Variants in PTPN13 observed in about 807,000 individuals in gnomAD.
PTPN13 encodes protein tyrosine phosphatase non-receptor type 13, also known as tyrosine-protein phosphatase non-receptor type 13.
In PTPN13, 191 loss-of-function variants were observed where a neutral mutation model predicts 284.0. The observed-to-expected ratio is 0.67, with a 90% CI of 0.60 to 0.76. PTPN13 has a LOEUF of 0.76. Among genes scored for constraint, PTPN13 ranks in the 30% least tolerant of loss-of-function variants. PTPN13 has a pLI of 0.00. For missense variants in PTPN13, 2,797 were observed against 2,939.9 expected (o/e 0.95, Z 1.12); for synonymous variants, 986 against 1,022.3 (o/e 0.96, Z 0.68).
chr4:86,697,798 C>T (rs1306979561), intron 6 of PTPN13, among the ~76,000 whole-genome samples: 1 of 152,000 alleles, frequency 6.6e-6, no homozygotes, highest in East Asian at 1.9e-4. Flanking sequence ...ATTTTTGAGT[C>T]TGGGTGAATT....
chr4:86,813,214 G>T (rs2149400782), intron 47 of PTPN13, among the ~76,000 whole-genome samples: 1 of 152,204 alleles, frequency 6.6e-6, no homozygotes, highest in Admixed American at 6.5e-5. Context: ...ATATAAAATA[G>T]CTCACACATG....
At chr4:86,715,045 G>A (rs183011169) in intron 7 of PTPN13, among the ~76,000 whole-genome samples, 12 of 152,158 alleles carry the variant, frequency 7.9e-5, no homozygotes, top group Admixed American at 1.3e-4. Flanking sequence ...GGGGAAGAGC[G>A]GTGTTTCTAA....
chr4:86,680,871 T>C (rs1196491285), intron 3 of PTPN13, among the ~76,000 whole-genome samples: 1 of 152,178 alleles, frequency 6.6e-6, no homozygotes, highest in African/African-American at 2.4e-5. Flanking sequence ...GGTTTCCACA[T>C]CCTGTGTACC....
At chr4:86,802,512 A>T (rs999416344) in intron 42 of PTPN13, among the ~76,000 whole-genome samples, 1 of 152,248 alleles carries the variant, frequency 6.6e-6, no homozygotes, top group East Asian at 1.9e-4. Context: ...CTCCTTTAGA[A>T]ACTATAAATA....
At position 86,722,199 on chromosome 4, in the gene PTPN13, C is replaced by G. The variant is rs553354786; in HGVS notation, c.1386-13C>G. 8.8e-6 allele frequency: 14 copies of G among 1,595,192 alleles called. No individual in the cohort carries two copies. Among genetic ancestry groups the G allele is most frequent in the African/African-American group, 8.0e-5 (6 of 74,564 alleles). ...TCCTCCCAATCCTCACCTGTCTCCT[C>G]TTTTCTATATAGCAGACAATATGAA... is the stretch of plus-strand genomic sequence containing the variant. On this transcript the variant is annotated splice_polypyrimidine_tract_variant and intron_variant, in intron 9 of 47. Coordinates refer to ENST00000411767, the MANE Select transcript of PTPN13 (RefSeq NM_080683.3).
chr4:86,671,384 T>C (rs549023619), intron 2 of PTPN13, among the ~76,000 whole-genome samples: 303 of 152,314 alleles, frequency 2.0e-3, no homozygotes, highest in Non-Finnish European at 3.4e-3. Context: ...ATTTCAGTCA[T>C]AGGCCTTTTG....
intron 1 of PTPN13, among the ~76,000 whole-genome samples, chr4:86,634,267 T>TA (rs1398358936): frequency 1.3e-5 from 2 of 152,214 alleles, no homozygotes; most frequent in African/African-American, 4.8e-5. Context: ...CTATATATGT[T>TA]ATGCTTAAAT....
chr4:86,792,709 A>G (rs1279073247), intron 40 of PTPN13, among the ~76,000 whole-genome samples: 1 of 152,240 alleles, frequency 6.6e-6, no homozygotes, highest in Non-Finnish European at 1.5e-5. Flanking sequence ...AATATTCAAC[A>G]TTCTTAAAGG....
chr4:86,625,845 A>G (rs539385378), intron 1 of PTPN13, among the ~76,000 whole-genome samples: 2 of 152,238 alleles, frequency 1.3e-5, no homozygotes, highest in Non-Finnish European at 2.9e-5. Flanking sequence ...ATTTTTTACA[A>G]TGTAAAGGAC....
Position 86,776,192 on chromosome 4 carries a change from C to T in PTPN13, c.5891+540C>T, listed in dbSNP as rs568870573. On this transcript the variant is annotated intron_variant, in intron 35 of 47. Transcript: ENST00000411767. ...AACTCCTGACCTCAGGTGATCCACCCGCCTTGGCCTCCCAAAGTGCTGGGA... is the reference window on the plus strand; with the variant it reads ...AACTCCTGACCTCAGGTGATCCACCTGCCTTGGCCTCCCAAAGTGCTGGGA... 3.9e-5 allele frequency among the ~76,000 whole-genome samples: 6 copies of T among 152,272 alleles called. No individual in the cohort carries two copies. In the East Asian group the frequency reaches 5.8e-4, roughly 15 times the overall value.
chr4:86,774,002 A>C (rs1242197767), intron 32 of PTPN13, among the ~76,000 whole-genome samples: 1 of 152,028 alleles, frequency 6.6e-6, no homozygotes, highest in African/African-American at 2.4e-5. Context: ...GTTTAGAAAT[A>C]TATGAATTTT....
At chr4:86,740,710 A>G (rs1736080240) in intron 15 of PTPN13, among the ~76,000 whole-genome samples, 1 of 152,112 alleles carries the variant, frequency 6.6e-6, no homozygotes. Flanking sequence ...TTTTCTTTCT[A>G]TCACATTGTC....
chr4:86,785,778 G>A (rs1431255627), intron 39 of PTPN13, 70 bp from the exon 40 acceptor site: 4 of 903,360 alleles, frequency 4.4e-6, no homozygotes, highest in Non-Finnish European at 1.6e-6. Context: ...TCTTTTGCAG[G>A]CAAATGAAAA....
chr4:86,714,604 T>C (rs1333803294), intron 7 of PTPN13, among the ~76,000 whole-genome samples: 2 of 152,162 alleles, frequency 1.3e-5, no homozygotes, highest in East Asian at 3.9e-4. Flanking sequence ...GAAAGAATAC[T>C]GGATACTCAT....
intron 15 of PTPN13, among the ~76,000 whole-genome samples, chr4:86,736,048 G>A (rs71605613): frequency 0.082 from 12,406 of 152,174 alleles, 645 homozygotes; most frequent in Non-Finnish European, 0.11. Context: ...ACATTATACA[G>A]AAGAAACAAA....
Position 86,764,711 on chromosome 4 carries a change from G to A in PTPN13, c.4136G>A (p.Gly1379Glu). The part of the protein sequence containing the change: ...VELAKNDNSL[G>E]ISVTGGVNTS... ...CTGGCTAAAAATGATAACAGCTTGG[G>A]GATAAGTGTCACGGTACTGTTTGAC... is the stretch of plus-strand genomic sequence containing the variant. The change falls in exon 25 of 48, where the codon GGG becomes GAG. Residue 1379 changes from glycine to glutamate, a missense_variant. Physicochemically the swap from Gly to Glu is moderately conservative, Grantham distance 98. Transcript: ENST00000411767. 2 of 1,606,136 alleles carry A rather than the reference G, an allele frequency of 1.2e-6. No individual in the cohort carries two copies. Among genetic ancestry groups the A allele is most frequent in the East Asian group, 2.3e-5 (1 of 44,360 alleles).
Position 86,734,840 on chromosome 4 carries a change from G to C in PTPN13, c.2116G>C (p.Ala706Pro). The change falls in exon 14 of 48, where the codon GCT (alanine) becomes CCT (proline). Residue 706 changes from alanine to proline, a missense_variant. Physicochemically the swap from Ala to Pro is conservative, Grantham distance 27. Coordinates refer to ENST00000411767, the MANE Select transcript of PTPN13 (RefSeq NM_080683.3). Reference sequence around the variant, plus strand: ...GACTTCCTTATTGCTGGCATCCTTGGCTCTCCAGGCTGAGTATGGAGATTA... The same window carrying C: ...GACTTCCTTATTGCTGGCATCCTTGCCTCTCCAGGCTGAGTATGGAGATTA... The part of the protein sequence containing the change: ...DETSLLLASL[A>P]LQAEYGDYQP... The C allele has an allele frequency of 6.2e-7, 1 of 1,613,288 alleles. No homozygotes were observed. The highest frequency in any genetic ancestry group is 8.5e-7 in the Non-Finnish European group (1 of 1,179,438).
intron 1 of PTPN13, among the ~76,000 whole-genome samples, chr4:86,595,136 G>T (rs1763514974): frequency 6.6e-6 from 1 of 152,166 alleles, no homozygotes; most frequent in Admixed American, 6.5e-5. Context: ...CGTCGTGCTT[G>T]CACAGCTCCG....
chr4:86,737,062 G>T (rs887699884), intron 15 of PTPN13, among the ~76,000 whole-genome samples: 1 of 151,852 alleles, frequency 6.6e-6, no homozygotes. Flanking sequence ...TAAGTGTTTG[G>T]TGAGTTTTTA....
Sources: allele counts gnomAD v4.1 joint callset (sites outside exome capture counted in the v4.1 genomes callset), GRCh38; gene constraint gnomAD v4.1.1; transcripts MANE v1.5; gene names NCBI Gene and HGNC (gene_info 2026-07-23, HGNC 2026-07-21).